The following UNC79 variants were observed in gnomAD, a reference collection of about 807,000 sequenced individuals.
The protein encoded by UNC79 is protein unc-79 homolog.
A neutral mutation model predicts 283.1 loss-of-function variants in UNC79; 37 were observed. The ratio of observed to expected loss-of-function variants is 0.13; its 90% CI spans 0.10 to 0.17. The LOEUF (loss-of-function observed/expected upper bound fraction) is 0.17, where lower values mean the gene tolerates loss of function less well. UNC79 is among the 10% of genes least tolerant of loss of function. The probability of loss-of-function intolerance (pLI) is 1.00; values close to 1 mark genes in which losing one functional copy is unlikely to be tolerated. For missense variants in UNC79, 2,272 were observed against 3,211.1 expected (o/e 0.71, Z 7.07); for synonymous variants, 1,107 against 1,200.2 (o/e 0.92, Z 1.61).
At chr14:93,365,110 G>T (rs1330722121) in intron 1 of UNC79, among the ~76,000 whole-genome samples, 1 of 152,050 alleles carries the variant, frequency 6.6e-6, no homozygotes, top group Non-Finnish European at 1.5e-5. Context: ...ATCAGGCCAG[G>T]CATGGTGACT....
At chr14:93,365,469 C>G (rs2054310612) in intron 1 of UNC79, among the ~76,000 whole-genome samples, 2 of 151,180 alleles carry the variant, frequency 1.3e-5, no homozygotes, top group Middle Eastern at 3.4e-3. Flanking sequence ...AAAGAAGTAC[C>G]AAACTCAAGA....
intron 7 of UNC79, among the ~76,000 whole-genome samples, chr14:93,505,595 C>A (rs2140767347): frequency 1.3e-5 from 2 of 152,104 alleles, no homozygotes; most frequent in African/African-American, 4.8e-5. Flanking sequence ...AAACTCAATA[C>A]TTACGATTTT....
chr14:93,687,855 T>A (rs779018551), intron 43 of UNC79, among the ~76,000 whole-genome samples: 1 of 152,106 alleles, frequency 6.6e-6, no homozygotes, highest in East Asian at 1.9e-4. Flanking sequence ...CGAAAAATAA[T>A]AAGTAGGAAC....
intron 20 of UNC79, among the ~76,000 whole-genome samples, chr14:93,583,775 A>G (rs1337412511): frequency 1.3e-5 from 2 of 150,522 alleles, no homozygotes; most frequent in Non-Finnish European, 2.9e-5. Context: ...AGATTGCTCC[A>G]ACTTACTCTC....
intron 1 of UNC79, among the ~76,000 whole-genome samples, chr14:93,407,706 C>A (rs2055255004): frequency 6.6e-6 from 1 of 152,084 alleles, no homozygotes; most frequent in Non-Finnish European, 1.5e-5. Context: ...AGGTCTCAGT[C>A]CAGAAAATTT....
chr14:93,510,267 A>G (rs950575441), intron 7 of UNC79, among the ~76,000 whole-genome samples: 1 of 152,184 alleles, frequency 6.6e-6, no homozygotes, highest in African/African-American at 2.4e-5. Flanking sequence ...AGTTCTCTGA[A>G]ATGCCTTCAA....
intron 47 of UNC79, 22 bp downstream of exon 50, chr14:93,694,434 T>A: frequency 6.3e-7 from 1 of 1,598,648 alleles, no homozygotes; most frequent in Non-Finnish European, 8.6e-7. Context: ...TTATGATTTT[T>A]AAAGACCATT....
At chr14:93,592,975 T>C (rs1256711217) in intron 22 of UNC79, among the ~76,000 whole-genome samples, 2 of 152,192 alleles carry the variant, frequency 1.3e-5, no homozygotes, top group Non-Finnish European at 2.9e-5. Flanking sequence ...AGGCTGTCCC[T>C]GTGAGATGGG....
At chr14:93,432,642 T>G (rs1382648136) in intron 1 of UNC79, among the ~76,000 whole-genome samples, 1 of 152,194 alleles carries the variant, frequency 6.6e-6, no homozygotes, top group Non-Finnish European at 1.5e-5. Context: ...CAAAATTAAG[T>G]TTTGCTTTTA....
Position 93,653,868 on chromosome 14 carries a change from T to C in UNC79, c.6196+14T>C, listed in dbSNP as rs2070598190. ...GCACGATCAAAGGTAATTCATCCAC[T>C]GAGGATCCAGGCACCACAAATTTGC... On this transcript the variant is annotated intron_variant, in intron 36 of 48. Transcript: ENST00000555664. 2 of 1,614,098 alleles carry C rather than the reference T, an allele frequency of 1.2e-6. No homozygotes were observed. Among genetic ancestry groups the C allele is most frequent in the African/African-American group, 1.3e-5 (1 of 75,046 alleles).
At chr14:93,472,277 C>T (rs2057548966) in intron 2 of UNC79, among the ~76,000 whole-genome samples, 1 of 151,934 alleles carries the variant, frequency 6.6e-6, no homozygotes, top group Non-Finnish European at 1.5e-5. Flanking sequence ...AAGAATATAA[C>T]ATTAATAAAG....
chr14:93,695,890 C>CAAGAAAAAAAAAAAAAAAAA (rs2075067033), intron 47 of UNC79, among the ~76,000 whole-genome samples: 1 of 39,440 alleles, frequency 2.5e-5, no homozygotes, highest in Non-Finnish European at 4.7e-5. Context: ...GACTTTGTCT[C>CAAGAAAAAAAAAAAAAAAAA]AAAAAAAAAA....
At chr14:93,586,492 A>G (rs936885243) in intron 20 of UNC79, 104 bp from the exon 21 acceptor site, 8 of 990,376 alleles carry the variant, frequency 8.1e-6, no homozygotes, top group Non-Finnish European at 1.0e-5. Context: ...TTTTGCATAT[A>G]TGTCAATTTT....
chr14:93,510,153 A>G (rs532581525), intron 7 of UNC79, among the ~76,000 whole-genome samples: 250 of 152,302 alleles, frequency 1.6e-3, no homozygotes, highest in Non-Finnish European at 2.3e-3. Flanking sequence ...TGGCTATAAT[A>G]CAGAGAACAG....
intron 47 of UNC79, among the ~76,000 whole-genome samples, chr14:93,697,008 AT>A (rs1294135790): frequency 6.6e-6 from 1 of 152,210 alleles, no homozygotes; most frequent in African/African-American, 2.4e-5. Flanking sequence ...TTATTCCAGC[AT>A]CATTGTTAAA....
chr14:93,523,116 C>T (rs773424309), intron 7 of UNC79, among the ~76,000 whole-genome samples: 1 of 152,246 alleles, frequency 6.6e-6, no homozygotes, highest in Non-Finnish European at 1.5e-5. Flanking sequence ...AGCATATAAA[C>T]CCCTTACATG....
In UNC79 at chr14:93,618,364, T is replaced by C; in HGVS notation, c.4387+10T>C. ...AGCGAAAAAGAAAAAGGTACATATC[T>C]AAATTCTATCCCAAACCTAGCTTCA... is the stretch of plus-strand genomic sequence containing the variant. On this transcript the variant is annotated intron_variant, in intron 29 of 48. Coordinates refer to ENST00000555664, the Ensembl canonical transcript of UNC79. The C allele has an allele frequency of 6.2e-7, 1 of 1,601,254 alleles. No individual in the cohort carries two copies. The highest frequency in any genetic ancestry group is 8.5e-7 in the Non-Finnish European group (1 of 1,175,136).
At chr14:93,702,894 C>T (rs1178887582) in intron 47 of UNC79, among the ~76,000 whole-genome samples, 1 of 152,244 alleles carries the variant, frequency 6.6e-6, no homozygotes, top group Non-Finnish European at 1.5e-5. Flanking sequence ...GCCTCCATTC[C>T]CTGCCTCCTT....
intron 1 of UNC79, among the ~76,000 whole-genome samples, chr14:93,387,585 C>A (rs1328001030): frequency 6.6e-6 from 1 of 152,160 alleles, no homozygotes; most frequent in South Asian, 2.1e-4. Flanking sequence ...AGTTTTATTT[C>A]ATTGTGGTCA....
Sources: gnomAD v4.1 joint callset for allele counts (sites outside exome capture counted in the v4.1 genomes callset) on GRCh38, gnomAD v4.1.1 for gene constraint, MANE v1.5 for transcripts, NCBI Gene and HGNC (gene_info 2026-07-23, HGNC 2026-07-21) for gene names.